CDKN3: variants seen among roughly 807,000 people sequenced by gnomAD.
CDKN3 encodes the protein cyclin dependent kinase inhibitor 3.
CDKN3 carries 19 observed loss-of-function variants against 36.1 expected under a neutral mutation model. The observed-to-expected ratio is 0.53, with a 90% CI of 0.37 to 0.77. The LOEUF (loss-of-function observed/expected upper bound fraction) is 0.77. Ranked by LOEUF, CDKN3 falls within the 30% of genes least tolerant of loss-of-function variation. CDKN3 has a pLI of 0.00. For missense variants in CDKN3, 188 were observed against 248.6 expected (o/e 0.76, Z 1.64); for synonymous variants, 71 against 85.3 (o/e 0.83, Z 0.92).
intron 4 of CDKN3, 59 bp from the exon 5 acceptor site, chr14:54,411,424 GT>G: frequency 8.0e-7 from 1 of 1,253,700 alleles, no homozygotes; most frequent in Non-Finnish European, 1.1e-6. Context: ...CCTCTTGATG[GT>G]ATTTAAATGT....
Position 54,397,092 on chromosome 14 carries a change from C to G in CDKN3, c.9+15C>G, listed in dbSNP as rs1461476278. ...CGATGAAGCCGGTGAGTCGGACGTG[C>G]TGGGGTTTGGAGGAGCGAGGCGGCA... On this transcript the variant is annotated intron_variant, in intron 1 of 7. Transcript: ENST00000335183. 4.2e-5 allele frequency: 63 copies of G among 1,501,450 alleles called. No homozygotes were observed. The highest frequency in any genetic ancestry group is 5.3e-5 in the Non-Finnish European group (60 of 1,122,462). 93.0% of individuals were successfully genotyped at this position (1,501,450 alleles called of 1,614,324 possible).
At chr14:54,412,004 T>A (rs573516143) in intron 5 of CDKN3, among the ~76,000 whole-genome samples, 8 of 152,326 alleles carry the variant, frequency 5.3e-5, no homozygotes, top group Admixed American at 5.2e-4. Context: ...TAGTTGCAAT[T>A]TTGGGACCCT....
chr14:54,408,465 A>G (rs765332624), intron 3 of CDKN3: 30 of 310,550 alleles, frequency 9.7e-5, no homozygotes, highest in South Asian at 3.1e-4. Flanking sequence ...TACTTTGCCA[A>G]TCTTAATAAA....
intron 4 of CDKN3, 43 bp downstream of exon 4, chr14:54,408,832 T>C (rs1425599964): frequency 6.7e-7 from 1 of 1,501,944 alleles, no homozygotes; most frequent in South Asian, 1.4e-5. Context: ...GTTTTTTAAA[T>C]GAATAGCATT....
chr14:54,402,567 G>A (rs541136590), intron 3 of CDKN3, among the ~76,000 whole-genome samples: 15 of 152,230 alleles, frequency 9.9e-5, no homozygotes, highest in African/African-American at 3.1e-4. Flanking sequence ...AATCCCATTT[G>A]TCAATTTTGG....
chr14:54,417,094 G>A (rs890843226), intron 6 of CDKN3, among the ~76,000 whole-genome samples: 2 of 152,178 alleles, frequency 1.3e-5, no homozygotes, highest in African/African-American at 4.8e-5. Context: ...GTAAAATGGT[G>A]CAGCGGCTTT....
At chr14:54,398,306 C>T (rs1183940141) in intron 1 of CDKN3, among the ~76,000 whole-genome samples, 5 of 152,192 alleles carry the variant, frequency 3.3e-5, no homozygotes, top group Non-Finnish European at 7.3e-5. Flanking sequence ...TCACTCCTGG[C>T]CTCTTTCTCC....
intron 3 of CDKN3, among the ~76,000 whole-genome samples, chr14:54,401,849 C>T (rs992946737): frequency 4.6e-5 from 7 of 152,062 alleles, no homozygotes; most frequent in Non-Finnish European, 4.4e-5. Flanking sequence ...TCAAAGTTTA[C>T]CTCCTGTTTA....
At chr14:54,400,049 A>G (rs1324968633) in intron 2 of CDKN3, 73 bp downstream of exon 2, 7 of 785,854 alleles carry the variant, frequency 8.9e-6, no homozygotes, top group African/African-American at 1.7e-5. Context: ...TAGTTACATC[A>G]TAATCTTAGT....
intron 4 of CDKN3, chr14:54,411,197 A>T: frequency 2.4e-5 from 7 of 291,638 alleles, no homozygotes; most frequent in Non-Finnish European, 4.4e-5. Flanking sequence ...AAAAAAAAAA[A>T]GAGGGGGGGT....
chr14:54,417,956 G>A lies in CDKN3; in HGVS notation c.552+5G>A. On this transcript the variant is annotated splice_donor_5th_base_variant and intron_variant, in intron 7 of 7. Transcript: ENST00000335183. ...GGGGCAATACAGACCATCAAGGTGA[G>A]GAGGTGGGCGGTGCTTGCTTGGTTG... is the stretch of plus-strand genomic sequence containing the variant. The A allele has an allele frequency of 6.6e-7, 1 of 1,522,226 alleles. No homozygotes were observed. The highest frequency in any genetic ancestry group is 9.0e-7 in the Non-Finnish European group (1 of 1,110,730). 94.3% of individuals were successfully genotyped at this position (1,522,226 alleles called of 1,614,324 possible). A position where few individuals can be genotyped will look rare whatever the true frequency, so the allele number is the denominator to read the frequency against.
At chr14:54,411,193 AAAAAG>A in intron 4 of CDKN3, 1 of 297,692 alleles carries the variant, frequency 3.4e-6, no homozygotes, top group Admixed American at 4.9e-5. Context: ...AAAAAAAAAA[AAAAAG>A]AGGGGGGGTT....
intron 3 of CDKN3, among the ~76,000 whole-genome samples, chr14:54,404,535 T>G (rs2030078321): frequency 6.6e-6 from 1 of 152,138 alleles, no homozygotes; most frequent in African/African-American, 2.4e-5. Flanking sequence ...GAATGGCTTT[T>G]TATGTCTCTA....
At chr14:54,418,022 CAAAA>C in intron 7 of CDKN3, 71 bp downstream of exon 7, 9 of 829,522 alleles carry the variant, frequency 1.1e-5, no homozygotes, top group Non-Finnish European at 1.8e-5. Flanking sequence ...CATGTGTAAC[CAAAA>C]GGTTACATAT....
intron 4 of CDKN3, among the ~76,000 whole-genome samples, chr14:54,409,024 T>C (rs1004887190): frequency 1.3e-5 from 2 of 152,184 alleles, no homozygotes; most frequent in Non-Finnish European, 2.9e-5. Context: ...ATTATACATA[T>C]AAACTACATT....
intron 3 of CDKN3, 93 bp downstream of exon 3, chr14:54,401,672 G>T (rs2029946543): frequency 4.3e-6 from 4 of 932,208 alleles, no homozygotes; most frequent in Non-Finnish European, 6.4e-6. Context: ...GGTGGTGTTT[G>T]GTTACATAAA....
At position 54,417,902 on chromosome 14, in the gene CDKN3, T is replaced by C. The variant is rs765801817; in HGVS notation, c.503T>C (p.Ile168Thr). The C allele has an allele frequency of 4.4e-6, 7 of 1,599,976 alleles. No homozygotes were observed. The highest frequency in any genetic ancestry group is 1.7e-4 in the Middle Eastern group (1 of 6,048). Residue 168 changes from isoleucine to threonine, a missense_variant, in exon 7 of 8, where the codon ATA becomes ACA. By Grantham distance (89) the Ile-to-Thr change is moderately conservative. Transcript: ENST00000335183. ...LSDTISPEQA[I>T]DSLRDLRGSG... ...GACACAATATCACCAGAGCAAGCCA[T>C]AGACAGCCTGCGAGACCTAAGAGGA...
chr14:54,410,578 G>C (rs2030314721), intron 4 of CDKN3, among the ~76,000 whole-genome samples: 1 of 152,246 alleles, frequency 6.6e-6, no homozygotes, highest in African/African-American at 2.4e-5. Flanking sequence ...TTTAATACAG[G>C]TAATGTTTTA....
intron 4 of CDKN3, among the ~76,000 whole-genome samples, chr14:54,410,827 CTT>C (rs1046686100): frequency 6.6e-6 from 1 of 151,572 alleles, no homozygotes; most frequent in African/African-American, 2.4e-5. Flanking sequence ...ATTGATAGCA[CTT>C]TTTTTCTTTT....
Sources: gnomAD v4.1 joint callset for allele counts (sites outside exome capture counted in the v4.1 genomes callset) on GRCh38, gnomAD v4.1.1 for gene constraint, MANE v1.5 for transcripts, NCBI Gene and HGNC (gene_info 2026-07-23, HGNC 2026-07-21) for gene names.